Variants in MAPT observed in about 807,000 individuals in gnomAD.
MAPT encodes the protein microtubule-associated protein tau.
MAPT carries 34 observed loss-of-function variants against 67.9 expected under a neutral mutation model. The observed-to-expected ratio is 0.50, with a 90% CI of 0.38 to 0.67. The LOEUF (loss-of-function observed/expected upper bound fraction) is 0.67, where lower values mean the gene tolerates loss of function less well. Ranked by LOEUF, MAPT falls within the 30% of genes least tolerant of loss-of-function variation. The pLI is 0.00. For missense variants in MAPT, 881 were observed against 1,115.2 expected (o/e 0.79, Z 2.99); for synonymous variants, 456 against 464.5 (o/e 0.98, Z 0.23).
At chr17:45,918,390 G>A (rs542696425) in intron 1 of MAPT, among the ~76,000 whole-genome samples, 6 of 152,336 alleles carry the variant, frequency 3.9e-5, no homozygotes, top group African/African-American at 9.6e-5. Context: ...GGCTGGCTGG[G>A]GTTGGATCTT....
At chr17:45,925,745 A>G (rs1482186950) in intron 1 of MAPT, among the ~76,000 whole-genome samples, 1 of 150,720 alleles carries the variant, frequency 6.6e-6, no homozygotes, top group African/African-American at 2.4e-5. Context: ...AATCTTAACT[A>G]TGTTTTAGAA....
intron 1 of MAPT, among the ~76,000 whole-genome samples, chr17:45,949,448 GGTTGCTCT>G (rs1048096712): frequency 1.3e-5 from 2 of 152,224 alleles, no homozygotes; most frequent in African/African-American, 4.8e-5. Flanking sequence ...TTCCCAAAGG[GGTTGCTCT>G]GTTGGGAAGG....
At chr17:46,007,493 A>T (rs1338248963) in intron 9 of MAPT, among the ~76,000 whole-genome samples, 1 of 152,112 alleles carries the variant, frequency 6.6e-6, no homozygotes, top group Non-Finnish European at 1.5e-5. Flanking sequence ...TCTCTATTTT[A>T]AAAATAATAA....
rs1020843798 is a variant in MAPT, at chr17:45,996,824, C to G, written c.1998+160C>G. Among the ~76,000 whole-genome samples, 5 of 152,152 alleles carry G rather than the reference C, an allele frequency of 3.3e-5. 1 individual carries two copies. Among genetic ancestry groups the G allele is most frequent in the Admixed American group, 2.0e-4 (3 of 15,282 alleles). ...GGCTCCCCGCACCTGAGCACCCCCG[C>G]ATAACACCCCAGTCCCCTCTGGACC... On this transcript the variant is annotated intron_variant, in intron 9 of 12. Transcript: ENST00000262410. The surrounding 1 kb of genome is among the most constrained non-coding windows in gnomAD (Gnocchi z 4.5).
chr17:46,020,503 G>A (rs926796634), intron 12 of MAPT, among the ~76,000 whole-genome samples: 6 of 152,174 alleles, frequency 3.9e-5, no homozygotes, highest in African/African-American at 1.4e-4. Context: ...GTGGTGGAGG[G>A]AAAAGGGATT....
intron 9 of MAPT, among the ~76,000 whole-genome samples, chr17:46,004,235 G>A (rs1463963569): frequency 1.3e-5 from 2 of 152,210 alleles, no homozygotes; most frequent in Non-Finnish European, 2.9e-5. Context: ...CTTGGGGCCA[G>A]GGAGGGAGGG....
In MAPT at chr17:45,906,295, G is replaced by GT. The variant is rs973855970; in HGVS notation, c.-18+11615dup. Among the ~76,000 whole-genome samples, 129 of 152,234 alleles carry GT rather than the reference G, an allele frequency of 8.5e-4. No homozygotes were observed. The highest frequency in any genetic ancestry group is 3.0e-3 in the African/African-American group (124 of 41,522). On this transcript the variant is annotated intron_variant, in intron 1 of 12. Coordinates refer to ENST00000262410, the MANE Select transcript of MAPT (RefSeq NM_001377265.1). The surrounding 1 kb of genome is among the most constrained non-coding windows in gnomAD (Gnocchi z 4.3). ...TTTTCTGTTTTTTCTGGAGTTTTCA[G>GT]TTTTTTCCTAACCAGACAGGGACTT... is the stretch of plus-strand genomic sequence containing the variant.
intron 1 of MAPT, among the ~76,000 whole-genome samples, chr17:45,901,626 A>G (rs1419626282): frequency 1.3e-5 from 2 of 152,254 alleles, no homozygotes; most frequent in African/African-American, 4.8e-5. Flanking sequence ...AAGACTAAGT[A>G]ACAATATATC....
At position 45,999,364 on chromosome 17, in the gene MAPT, G is replaced by A. The variant is rs767206031; in HGVS notation, c.1998+2700G>A. The stretch of plus-strand genomic sequence containing the variant: ...GTGGCCGGCCCTCATTGAATGCGGG[G>A]TTAATTTAACTCAGCCTCTGTGTGA... On this transcript the variant is annotated intron_variant, in intron 9 of 12. Transcript: ENST00000262410. The A allele has an allele frequency of 3.1e-6, 5 of 1,613,884 alleles. No individual in the cohort carries two copies. In the African/African-American group the frequency reaches 4.0e-5, roughly 13 times the overall value.
rs1428739706 is a variant in MAPT, at chr17:46,026,437, CTG to C, written c.*2267_*2268del. The stretch of plus-strand genomic sequence containing the variant: ...GCTTGCGGCGCGAGGATGGTTCTCT[CTG>C]GTCATAGCCCGAAGTCTCATGGCAG... On this transcript the variant is annotated 3_prime_UTR_variant, in exon 13 of 13. Coordinates refer to ENST00000262410, the MANE Select transcript of MAPT (RefSeq NM_001377265.1). 1 of 152,252 alleles carries C rather than the reference CTG, an allele frequency of 6.6e-6. No homozygotes were observed. Among genetic ancestry groups the C allele is most frequent in the Non-Finnish European group, 1.5e-5 (1 of 68,104 alleles). The allele number at this position is 152,252 out of a possible 1,614,324, so 9.4% of individuals were successfully genotyped here.
intron 9 of MAPT, among the ~76,000 whole-genome samples, chr17:46,003,381 C>CA (rs2075176593): frequency 6.6e-6 from 1 of 151,454 alleles, no homozygotes; most frequent in African/African-American, 2.4e-5. Flanking sequence ...CAGGTTGAAG[C>CA]AACTCTCCTG....
intron 1 of MAPT, among the ~76,000 whole-genome samples, chr17:45,940,430 C>T (rs1302849628): frequency 6.6e-6 from 1 of 152,142 alleles, no homozygotes; most frequent in Non-Finnish European, 1.5e-5. Flanking sequence ...CAGAATCTAC[C>T]CCATAGGGCG....
At chr17:45,947,804 C>T (rs944363024) in intron 1 of MAPT, among the ~76,000 whole-genome samples, 1 of 152,080 alleles carries the variant, frequency 6.6e-6, no homozygotes, top group African/African-American at 2.4e-5. Flanking sequence ...CCCCTTAACC[C>T]CTCCACATTT....
chr17:45,968,874 A>G (rs2071357754), intron 2 of MAPT, among the ~76,000 whole-genome samples: 1 of 152,232 alleles, frequency 6.6e-6, no homozygotes, highest in African/African-American at 2.4e-5. Context: ...TGCTTTAAAT[A>G]AGCATTCAAC....
rs562973450 is a variant in MAPT at position 45,949,133 on chromosome 17, G to A, written c.-17-13188G>A. On this transcript the variant is annotated intron_variant, in intron 1 of 12. Transcript: ENST00000262410. ...TCTGAGTTTTTAACTGAAGGGATAA[G>A]GAGGACCACGCTTTCCCCAGACCAG... 7.4e-4 allele frequency among the ~76,000 whole-genome samples: 112 copies of A among 152,372 alleles called. No homozygotes were observed. The Middle Eastern group carries it at 0.031, about 42-fold the overall frequency.
chr17:45,905,899 G>T (rs1391522585), intron 1 of MAPT, among the ~76,000 whole-genome samples: 2 of 152,238 alleles, frequency 1.3e-5, no homozygotes, highest in South Asian at 4.1e-4. Context: ...CCCAGGAGCC[G>T]CAGTCAGGTG....
intron 9 of MAPT, among the ~76,000 whole-genome samples, chr17:46,008,006 T>C (rs1353357613): frequency 6.6e-6 from 1 of 152,212 alleles, no homozygotes; most frequent in Non-Finnish European, 1.5e-5. Context: ...GGGAACAATA[T>C]TCACAAAATG....
chr17:46,014,184 CT>C, intron 10 of MAPT, 58 bp from the exon 11 acceptor site: 1 of 967,256 alleles, frequency 1.0e-6, no homozygotes, highest in South Asian at 1.3e-5. Flanking sequence ...TCCTTTTTGT[CT>C]CTCTGTCTTC....
intron 10 of MAPT, among the ~76,000 whole-genome samples, chr17:46,013,107 T>C (rs2075933685): frequency 6.6e-6 from 1 of 152,240 alleles, no homozygotes; most frequent in African/African-American, 2.4e-5. Context: ...ACCTTGTTTT[T>C]TGGTGACCTT....
Sources: gnomAD v4.1 joint callset for allele counts (sites outside exome capture counted in the v4.1 genomes callset) on GRCh38, gnomAD v4.1.1 for gene constraint, Gnocchi (gnomAD v3.1) non-coding constraint, MANE v1.5 for transcripts, NCBI Gene and HGNC (gene_info 2026-07-23, HGNC 2026-07-21) for gene names.